Variants in DSCAM observed in about 807,000 individuals in gnomAD.
The protein encoded by DSCAM is DS cell adhesion molecule.
A neutral mutation model predicts 217.7 loss-of-function variants in DSCAM; 47 were observed. The ratio of observed to expected loss-of-function variants is 0.22; its 90% confidence interval spans 0.17 to 0.28. The LOEUF is 0.28. DSCAM is among the 10% of genes least tolerant of loss of function. The pLI, the probability that DSCAM is intolerant of heterozygous loss-of-function variation, is 1.00. For synonymous variants in DSCAM, 1,056 were observed against 1,015.3 expected, an observed-to-expected ratio of 1.04 and a Z score of -0.76; for missense variants, 2,080 against 2,618.3, an observed-to-expected ratio of 0.79 and a Z score of 4.49.
chr21:40,182,565 G>GGT (rs2090821332), intron 14 of DSCAM, among the ~76,000 whole-genome samples: 2 of 139,130 alleles, frequency 1.4e-5, no homozygotes, highest in African/African-American at 5.4e-5. Context: ...CAGGAGGGAG[G>GGT]TACCAGAGAA....
At chr21:40,132,279 C>T (rs1278557954) in intron 19 of DSCAM, among the ~76,000 whole-genome samples, 2 of 152,174 alleles carry the variant, frequency 1.3e-5, no homozygotes, top group Non-Finnish European at 2.9e-5. Flanking sequence ...AGCAGATTGT[C>T]CCTGAGGACA....
At chr21:40,657,891 T>C (rs2090093791) in intron 3 of DSCAM, among the ~76,000 whole-genome samples, 1 of 152,112 alleles carries the variant, frequency 6.6e-6, no homozygotes, top group Non-Finnish European at 1.5e-5. Flanking sequence ...TGTATGCTTT[T>C]TGAGTTTTGA....
chr21:40,152,649 G>A (rs929418464), intron 16 of DSCAM, among the ~76,000 whole-genome samples: 6 of 152,140 alleles, frequency 3.9e-5, no homozygotes, highest in South Asian at 2.1e-4. Context: ...GACAACAGTC[G>A]CACCATGTCA....
At chr21:40,229,929 C>A (rs1475774966) in intron 11 of DSCAM, among the ~76,000 whole-genome samples, 5 of 152,220 alleles carry the variant, frequency 3.3e-5, no homozygotes, top group Non-Finnish European at 1.5e-5. Flanking sequence ...GTCGAGCTGG[C>A]TCTATACTTC....
intron 1 of DSCAM, among the ~76,000 whole-genome samples, chr21:40,806,945 C>T (rs1233945055): frequency 1.3e-5 from 2 of 151,998 alleles, no homozygotes; most frequent in Admixed American, 6.6e-5. Context: ...GAACATCACA[C>T]ACCGGGGCCT....
chr21:40,268,935 C>T (rs1425204703), intron 11 of DSCAM, among the ~76,000 whole-genome samples: 1 of 152,130 alleles, frequency 6.6e-6, no homozygotes, highest in Non-Finnish European at 1.5e-5. Context: ...GTGCTGCCAT[C>T]CACCTTCAGC....
chr21:40,475,839 AAATT>A (rs796934916), intron 3 of DSCAM, among the ~76,000 whole-genome samples: 1 of 152,022 alleles, frequency 6.6e-6, no homozygotes, highest in African/African-American at 2.4e-5. Flanking sequence ...TTAAATAAAT[AAATT>A]AATAAATAAA....
At chr21:40,454,741 T>C (rs2075749505) in intron 3 of DSCAM, among the ~76,000 whole-genome samples, 1 of 152,162 alleles carries the variant, frequency 6.6e-6, no homozygotes, top group African/African-American at 2.4e-5. Flanking sequence ...CTTCTCAAAG[T>C]AGGGTAAATA....
intron 20 of DSCAM, among the ~76,000 whole-genome samples, chr21:40,121,058 A>C (rs1169525897): frequency 2.6e-5 from 4 of 152,150 alleles, no homozygotes; most frequent in Admixed American, 6.5e-5. Flanking sequence ...TCTACATTTA[A>C]CTATGAAATC....
intron 10 of DSCAM, among the ~76,000 whole-genome samples, chr21:40,282,403 C>G (rs1050889384): frequency 2.0e-5 from 3 of 151,272 alleles, no homozygotes; most frequent in Non-Finnish European, 4.4e-5. Context: ...CTAGCTAACA[C>G]GGTGAAACCC....
rs983258169 is a variant in DSCAM at position 40,334,373 on chromosome 21, C to T, written c.1783+3728G>A. 6.6e-5 allele frequency among the ~76,000 whole-genome samples: 10 copies of T among 152,194 alleles called. No individual in the cohort carries two copies. The South Asian group carries it at 1.9e-3, about 28-fold the overall frequency. ...TCTGCTGACTCAGTAGAAAGCAATG[C>T]CATTCTTCCTGATATTCAGGCCAGA... On this transcript the variant is annotated intron_variant, in intron 8 of 32. Transcript: ENST00000400454.
intron 1 of DSCAM, among the ~76,000 whole-genome samples, chr21:40,797,142 G>GA (rs2091698490): frequency 1.3e-5 from 2 of 152,104 alleles, no homozygotes; most frequent in African/African-American, 2.4e-5. Context: ...GCTTGTAGGG[G>GA]AAAAAATGAC....
intron 11 of DSCAM, among the ~76,000 whole-genome samples, chr21:40,219,854 G>A (rs2091275680): frequency 6.6e-6 from 1 of 152,042 alleles, no homozygotes; most frequent in Non-Finnish European, 1.5e-5. Context: ...ATGCCAACAG[G>A]TAGAAATCTT....
intron 3 of DSCAM, among the ~76,000 whole-genome samples, chr21:40,577,520 C>T (rs560976487): frequency 4.1e-4 from 62 of 152,076 alleles, no homozygotes; most frequent in African/African-American, 1.5e-3. Context: ...CGCCCAGTGG[C>T]GTTAATATCT....
At chr21:40,408,039 C>A (rs2075293211) in intron 3 of DSCAM, among the ~76,000 whole-genome samples, 1 of 152,064 alleles carries the variant, frequency 6.6e-6, no homozygotes, top group South Asian at 2.1e-4. Context: ...CACTACAGAA[C>A]TGTGTTCACT....
At chr21:40,766,496 A>G (rs909487928) in intron 1 of DSCAM, among the ~76,000 whole-genome samples, 1 of 151,922 alleles carries the variant, frequency 6.6e-6, no homozygotes, top group African/African-American at 2.4e-5. Flanking sequence ...ATCATTTACA[A>G]AGTAGTTATT....
chr21:40,489,025 A>G (rs2076053062), intron 3 of DSCAM, among the ~76,000 whole-genome samples: 2 of 152,318 alleles, frequency 1.3e-5, no homozygotes, highest in Admixed American at 6.5e-5. Flanking sequence ...CTTCTAAAAA[A>G]CCACAACACA....
chr21:40,046,737 C>T (rs2088847355), intron 30 of DSCAM, among the ~76,000 whole-genome samples: 1 of 151,706 alleles, frequency 6.6e-6, no homozygotes, highest in Admixed American at 6.6e-5. Context: ...TGTTGTAGCT[C>T]ATTCTGAGCA....
chr21:40,151,450 T>C (rs1219636647), intron 16 of DSCAM, among the ~76,000 whole-genome samples: 3 of 152,174 alleles, frequency 2.0e-5, no homozygotes, highest in Non-Finnish European at 2.9e-5. Context: ...AGCTCTAGAA[T>C]GCAAAGAACC....
Sources: allele counts gnomAD v4.1 joint callset (sites outside exome capture counted in the v4.1 genomes callset), GRCh38; gene constraint gnomAD v4.1.1; transcripts MANE v1.5; gene names NCBI Gene and HGNC (gene_info 2026-07-23, HGNC 2026-07-21).